Variants in CLIC5 observed in about 807,000 individuals in gnomAD.
The protein encoded by CLIC5 is chloride intracellular channel protein 5.
A neutral mutation model predicts 24.7 loss-of-function variants in CLIC5; 20 were observed. The observed-to-expected ratio is 0.81, with a 90% CI of 0.57 to 1.18. The LOEUF is 1.18. Among genes scored for constraint, CLIC5 ranks in the 50% most tolerant of loss-of-function variants. The pLI, the probability that CLIC5 is intolerant of heterozygous loss-of-function variation, is 0.00. For synonymous variants in CLIC5, 159 were observed against 135.6 expected (o/e 1.17, Z -1.20); for missense variants, 341 against 326.1 (o/e 1.05, Z -0.35).
At chr6:45,913,259 A>G (rs543567353) in intron 5 of CLIC5, among the ~76,000 whole-genome samples, 1 of 152,326 alleles carries the variant, frequency 6.6e-6, no homozygotes, top group South Asian at 2.1e-4. Flanking sequence ...CATGCGTAAA[A>G]TAGAGCACAG....
intron 1 of CLIC5, among the ~76,000 whole-genome samples, chr6:46,000,238 G>T (rs566184735): frequency 3.3e-5 from 5 of 152,302 alleles, no homozygotes; most frequent in African/African-American, 1.2e-4. Flanking sequence ...TTTTCAACTT[G>T]TATGGAGGGG....
At chr6:46,088,958 G>A in the CLIC5 span, among the ~76,000 whole-genome samples, 1 of 152,206 alleles carries the variant, frequency 6.6e-6, no homozygotes, top group Non-Finnish European at 1.5e-5. Flanking sequence ...GGTAATTAAT[G>A]CTTGCAGCAG....
intron 4 of CLIC5, among the ~76,000 whole-genome samples, chr6:45,923,049 A>C (rs1267512168): frequency 2.0e-5 from 3 of 152,212 alleles, no homozygotes; most frequent in Admixed American, 1.3e-4. Context: ...CACAGAGAAC[A>C]TGTACGTGTG....
chr6:46,026,795 C>T (rs1001968976), intron 1 of CLIC5, among the ~76,000 whole-genome samples: 8 of 152,182 alleles, frequency 5.3e-5, no homozygotes, highest in African/African-American at 1.9e-4. Flanking sequence ...CCCCTCACCC[C>T]ATTTCCAGCT....
chr6:46,026,046 C>T (rs563951636), intron 1 of CLIC5, among the ~76,000 whole-genome samples: 14 of 152,230 alleles, frequency 9.2e-5, no homozygotes, highest in South Asian at 6.2e-4. Flanking sequence ...AGTATGAGAA[C>T]GGACTGATAT....
intron 4 of CLIC5, among the ~76,000 whole-genome samples, chr6:45,923,507 G>A (rs1763355449): frequency 6.6e-6 from 1 of 152,192 alleles, no homozygotes; most frequent in Non-Finnish European, 1.5e-5. Context: ...AATAATTACT[G>A]GATTTGGTGA....
chr6:46,075,845 T>C (rs1762751900), intron 1 of CLIC5, among the ~76,000 whole-genome samples: 1 of 152,178 alleles, frequency 6.6e-6, no homozygotes, highest in African/African-American at 2.4e-5. Context: ...CATTCGCACA[T>C]TTTCTGAGAA....
Position 45,887,399 on chromosome 6 carries a change from G to A in CLIC5, c.624-6211C>T, listed in dbSNP as rs147815642. The stretch of plus-strand genomic sequence containing the variant: ...TCAATTTCTACCTCTGTCTTCACAC[G>A]GCTGTCTTCCCTCTGTGTCTACATC... On this transcript the variant is annotated intron_variant, in intron 6 of 6. Coordinates refer to the CLIC5 transcript ENST00000644324. Among the ~76,000 whole-genome samples, 312 of 152,150 alleles carry A rather than the reference G, an allele frequency of 2.1e-3. 4 individuals are homozygous for A. Among genetic ancestry groups the A allele is most frequent in the Admixed American group, 0.017 (256 of 15,282 alleles).
At chr6:45,997,427 C>T (rs1273047856) in intron 1 of CLIC5, among the ~76,000 whole-genome samples, 8 of 149,152 alleles carry the variant, frequency 5.4e-5, no homozygotes, top group African/African-American at 1.2e-4. Context: ...GTGGGTGCAG[C>T]GCACCAGCAT....
rs184180851 is a variant in CLIC5 at position 46,069,422 on chromosome 6, C to T, written c.540+10281G>A. On this transcript the variant is annotated intron_variant, in intron 1 of 5. Coordinates refer to the CLIC5 transcript ENST00000185206. ...GAATACAAATAACTATCAGAGAATACGATGAACACCCCTATGCACACAAAT... is the reference window on the plus strand; with the variant it reads ...GAATACAAATAACTATCAGAGAATATGATGAACACCCCTATGCACACAAAT... Among the ~76,000 whole-genome samples, 61 of 152,166 alleles carry T rather than the reference C, an allele frequency of 4.0e-4. 1 individual carries two copies. The highest frequency in any genetic ancestry group is 3.4e-3 in the Middle Eastern group (1 of 294).
intron 5 of CLIC5, among the ~76,000 whole-genome samples, chr6:45,905,810 C>T (rs1762645285): frequency 6.6e-6 from 1 of 152,158 alleles, no homozygotes; most frequent in Non-Finnish European, 1.5e-5. Context: ...AACTGATGTA[C>T]AGAATGTTTC....
intron 1 of CLIC5, among the ~76,000 whole-genome samples, chr6:46,030,219 G>T (rs762297605): frequency 1.3e-5 from 2 of 151,904 alleles, no homozygotes. Context: ...TCCATATCCC[G>T]CATTTTCTTT....
intron 3 of CLIC5, among the ~76,000 whole-genome samples, chr6:45,946,265 G>A (rs1764285309): frequency 6.6e-6 from 1 of 152,216 alleles, no homozygotes; most frequent in South Asian, 2.1e-4. Flanking sequence ...AGTAATCCCA[G>A]CATTAATCAC....
intron 6 of CLIC5, chr6:45,883,621 A>T (rs2127280169): frequency 6.6e-6 from 1 of 152,470 alleles, no homozygotes; most frequent in South Asian, 2.1e-4. Context: ...GAAAAAAGCA[A>T]AACACTGCCC....
At chr6:46,097,010 G>A in the CLIC5 span, 35 of 152,256 alleles carry the variant, frequency 2.3e-4, no homozygotes, top group East Asian at 5.4e-3. Flanking sequence ...GGTTACATAG[G>A]TCTATGCATT....
At chr6:45,925,550 C>T (rs543031709) in intron 4 of CLIC5, among the ~76,000 whole-genome samples, 3 of 152,152 alleles carry the variant, frequency 2.0e-5, no homozygotes, top group Non-Finnish European at 2.9e-5. Flanking sequence ...CTCCTGACCT[C>T]GTGATCCGCC....
intron 1 of CLIC5, among the ~76,000 whole-genome samples, chr6:46,053,184 G>A (rs948937166): frequency 4.6e-5 from 7 of 152,176 alleles, no homozygotes; most frequent in African/African-American, 1.2e-4. Context: ...AGACACTGGA[G>A]GGCAGGGCCT....
At chr6:46,041,793 T>G (rs1287744952) in intron 1 of CLIC5, among the ~76,000 whole-genome samples, 1 of 152,148 alleles carries the variant, frequency 6.6e-6, no homozygotes, top group Non-Finnish European at 1.5e-5. Flanking sequence ...GCAACTAACT[T>G]GTTGGGTGGT....
chr6:45,907,561 C>G (rs796286142), intron 5 of CLIC5, among the ~76,000 whole-genome samples: 15 of 152,150 alleles, frequency 9.9e-5, no homozygotes, highest in African/African-American at 3.6e-4. Flanking sequence ...AGGAAGGAGT[C>G]CTTCCTTGAT....
Sources: gnomAD v4.1 joint callset for allele counts (sites outside exome capture counted in the v4.1 genomes callset) on GRCh38, gnomAD v4.1.1 for gene constraint, MANE v1.5 for transcripts, NCBI Gene and HGNC (gene_info 2026-07-23, HGNC 2026-07-21) for gene names.